Variants in PTER observed in about 807,000 individuals in gnomAD.
PTER encodes the protein phosphotriesterase related.
In PTER, 38 loss-of-function variants were observed where a neutral mutation model predicts 29.6. That is an observed-to-expected ratio of 1.28 (90% CI 0.99 to 1.68). The LOEUF (loss-of-function observed/expected upper bound fraction) is 1.68. Among genes scored for constraint, PTER ranks in the 40% most tolerant of loss-of-function variants. The pLI, the probability that PTER is intolerant of heterozygous loss-of-function variation, is 0.00. For synonymous variants in PTER, 172 were observed against 154.5 expected (o/e 1.11, Z -0.84); for missense variants, 482 against 427.8 (o/e 1.13, Z -1.12).
In PTER at chr10:16,507,745, C is replaced by G. The variant is rs372642723; in HGVS notation, c.839+2585C>G. On this transcript the variant is annotated intron_variant, in intron 4 of 4. Coordinates refer to ENST00000535784, the MANE Select transcript of PTER (RefSeq NM_001261836.2). The stretch of plus-strand genomic sequence containing the variant: ...CTCTCAACTCTACATGAGCAAATGA[C>G]TTCACCTGTCTTGACCAATGAAGTT... Among the ~76,000 whole-genome samples the G allele has an allele frequency of 1.5e-3, 223 of 152,338 alleles. 4 individuals carry two copies. The South Asian group carries it at 0.045, about 31-fold the overall frequency.
chr10:16,504,567 A>G (rs1301796580), intron 3 of PTER, among the ~76,000 whole-genome samples: 1 of 152,220 alleles, frequency 6.6e-6, no homozygotes, highest in South Asian at 2.1e-4. Context: ...GCAAAGCCTC[A>G]TGTGTTACCC....
chr10:16,442,463 C>T (rs1833881451), intron 1 of PTER, among the ~76,000 whole-genome samples: 1 of 152,154 alleles, frequency 6.6e-6, no homozygotes, highest in Non-Finnish European at 1.5e-5. Context: ...TGATTGCCAT[C>T]AGAATTTGTT....
chr10:16,446,700 C>G (rs1440774582), intron 1 of PTER, among the ~76,000 whole-genome samples: 1 of 152,188 alleles, frequency 6.6e-6, no homozygotes, highest in East Asian at 1.9e-4. Flanking sequence ...ATGGTGAGGT[C>G]AAAACGCTTA....
chr10:16,484,922 G>T, intron 2 of PTER, 106 bp downstream of exon 2: 1 of 1,291,490 alleles, frequency 7.7e-7, no homozygotes, highest in Non-Finnish European at 1.0e-6. Flanking sequence ...ACGGAAATTT[G>T]CTAGCTAGCA....
At chr10:16,500,046 C>CT (rs5783509) in intron 3 of PTER, among the ~76,000 whole-genome samples, 3 of 150,782 alleles carry the variant, frequency 2.0e-5, no homozygotes, top group Non-Finnish European at 4.4e-5. Context: ...GGCCTTGCCC[C>CT]TTTTTTTTTA....
At chr10:16,475,019 A>C (rs1331687420) in intron 1 of PTER, among the ~76,000 whole-genome samples, 1 of 152,204 alleles carries the variant, frequency 6.6e-6, no homozygotes, top group Non-Finnish European at 1.5e-5. Context: ...CTGTGTGTTC[A>C]CATGGTGGAA....
chr10:16,462,831 A>C (rs1214620379), intron 1 of PTER, among the ~76,000 whole-genome samples: 2 of 148,978 alleles, frequency 1.3e-5, no homozygotes, highest in African/African-American at 4.9e-5. Context: ...TCAGCCTCCC[A>C]AAGTGCTGGG....
rs575155599 is a variant in PTER at position 16,510,095 on chromosome 10, G to A, written c.840-951G>A. On this transcript the variant is annotated intron_variant, in intron 4 of 4. Coordinates refer to ENST00000535784, the MANE Select transcript of PTER (RefSeq NM_001261836.2). Reference sequence around the variant, plus strand: ...TCTAGATCCACTTTAGAATCTAGACGCCAAAAAAACTATTCAGAGAATCCC... The same window carrying A: ...TCTAGATCCACTTTAGAATCTAGACACCAAAAAAACTATTCAGAGAATCCC... Among the ~76,000 whole-genome samples the A allele has an allele frequency of 1.2e-4, 19 of 152,178 alleles. No individual in the cohort carries two copies. In the East Asian group the frequency reaches 1.4e-3, roughly 11 times the overall value.
At chr10:16,480,965 C>T (rs1246587484) in intron 1 of PTER, among the ~76,000 whole-genome samples, 1 of 152,238 alleles carries the variant, frequency 6.6e-6, no homozygotes, top group Non-Finnish European at 1.5e-5. Flanking sequence ...TGCTGGAGGA[C>T]TGTCCTCTGA....
intron 1 of PTER, among the ~76,000 whole-genome samples, chr10:16,457,500 A>G (rs1834452361): frequency 6.6e-6 from 1 of 152,178 alleles, no homozygotes; most frequent in African/African-American, 2.4e-5. Context: ...GGCATGAGCC[A>G]CTGTGCCCGG....
At chr10:16,516,350 C>T (rs993495447), downstream of PTER, among the ~76,000 whole-genome samples, 2 of 152,026 alleles carry the variant, frequency 1.3e-5, no homozygotes, top group Non-Finnish European at 1.5e-5. Context: ...GAGTTGAATG[C>T]TTTGATTCAT....
rs1035594946 is a variant in PTER at position 16,504,962 on chromosome 10, T to C, written c.699-58T>C. 4.0e-5 allele frequency: 64 copies of C among 1,590,982 alleles called. No homozygotes were observed. In the African/African-American group the frequency reaches 5.5e-4, roughly 14 times the overall value. On this transcript the variant is annotated intron_variant, in intron 3 of 4. Transcript: ENST00000535784. ...CATTGTGTGCTTAAAACTTCTAGTA[T>C]GTACATGTGGAAAATGGGCTCTTCA...
At chr10:16,438,863 G>C (rs901972724) in intron 1 of PTER, among the ~76,000 whole-genome samples, 6 of 149,088 alleles carry the variant, frequency 4.0e-5, no homozygotes, top group African/African-American at 1.5e-4. Flanking sequence ...AGAGGCGGCT[G>C]TGAGCTGAGA....
At chr10:16,478,335 G>A (rs1009129019) in intron 1 of PTER, among the ~76,000 whole-genome samples, 4 of 140,240 alleles carry the variant, frequency 2.9e-5, no homozygotes, top group Admixed American at 7.1e-5. Context: ...CCTCGTTTCC[G>A]TTTTTTTTTT....
rs1192873821 is a variant in PTER, at chr10:16,505,063, G to A, written c.742G>A (p.Gly248Ser). ...KKELLEFAQLGCYLEYDLFGT... is the reference protein window; with the variant it reads ...KKELLEFAQLSCYLEYDLFGT... ...AGAGCTCTTGGAGTTTGCTCAACTT[G>A]GCTGCTACTTGGAATATGATCTCTT... The change falls in exon 4 of 5, where the codon GGC (glycine) becomes AGC (serine). Residue 248 changes from glycine (G) to serine (S), a missense_variant. Gly to Ser is a moderately conservative substitution (Grantham distance 56). Transcript: ENST00000535784. The A allele has an allele frequency of 1.2e-6, 2 of 1,613,778 alleles. No homozygotes were observed. The highest frequency in any genetic ancestry group is 1.7e-6 in the Non-Finnish European group (2 of 1,179,898).
At chr10:16,453,914 C>T (rs778646689) in intron 1 of PTER, among the ~76,000 whole-genome samples, 6 of 152,206 alleles carry the variant, frequency 3.9e-5, no homozygotes, top group Non-Finnish European at 8.8e-5. Context: ...TTAGAAATCA[C>T]TTTGTTCCAC....
At chr10:16,476,903 T>TCTCTC (rs200152484) in intron 1 of PTER, among the ~76,000 whole-genome samples, 1,572 of 102,838 alleles carry the variant, frequency 0.015, 91 homozygotes, top group African/African-American at 0.079. Flanking sequence ...CTAGAATTCT[T>TCTCTC]TTTTTTTTTT....
rs570692139 is a variant in PTER, at chr10:16,512,172, G to T, written c.*916G>T. ...TAATGCTTATGTATCTGAAGAAAAGGTCAGATCTATTGGAAATGACAGCCC... is the reference window on the plus strand; with the variant it reads ...TAATGCTTATGTATCTGAAGAAAAGTTCAGATCTATTGGAAATGACAGCCC... On this transcript the variant is annotated 3_prime_UTR_variant, in exon 5 of 5. Coordinates refer to ENST00000535784, the MANE Select transcript of PTER (RefSeq NM_001261836.2). 4.6e-5 allele frequency: 7 copies of T among 152,210 alleles called. 1 individual carries two copies. The South Asian group carries it at 1.5e-3, about 32-fold the overall frequency. The allele number at this position is 152,210 out of a possible 1,614,324, so 9.4% of individuals were successfully genotyped here. A position where few individuals can be genotyped will look rare whatever the true frequency, so the allele number is the denominator to read the frequency against.
intron 1 of PTER, among the ~76,000 whole-genome samples, chr10:16,470,411 C>T (rs527832966): frequency 3.8e-4 from 58 of 152,336 alleles, no homozygotes; most frequent in African/African-American, 1.4e-3. Flanking sequence ...CTGCTTAATA[C>T]ATATTTATCA....
Sources: allele counts gnomAD v4.1 joint callset (sites outside exome capture counted in the v4.1 genomes callset), GRCh38; gene constraint gnomAD v4.1.1; transcripts MANE v1.5; gene names NCBI Gene and HGNC (gene_info 2026-07-23, HGNC 2026-07-21).